The following ZNF512 variants were observed in gnomAD, a reference collection of about 807,000 sequenced individuals.
ZNF512 encodes zinc finger protein 512.
In ZNF512, 25 loss-of-function variants were observed where a neutral mutation model predicts 77.5. That is an observed-to-expected ratio of 0.32 (90% confidence interval 0.23 to 0.45). The LOEUF is 0.45. Among genes scored for constraint, ZNF512 ranks in the 20% least tolerant of loss-of-function variants. ZNF512 has a pLI of 1.00. For missense variants in ZNF512, 483 were observed against 692.6 expected (o/e 0.70, Z 3.40); for synonymous variants, 246 against 239.9 (o/e 1.03, Z -0.24).
In ZNF512 at chr2:27,621,371, C is replaced by A. The variant is rs1191812378; in HGVS notation, c.1614C>A (p.Ala538=). The A allele has an allele frequency of 3.7e-6, 6 of 1,613,980 alleles. No homozygotes were observed. Among genetic ancestry groups the A allele is most frequent in the Non-Finnish European group, 5.1e-6 (6 of 1,180,032 alleles). Residue 538 remains alanine (A), a synonymous_variant, in exon 14 of 14, where the codon GCC becomes GCA. Transcript: ENST00000355467. ...RRNNEELVVS[A]SCKEPEQEPV... ...ATAATGAGGAACTGGTAGTGTCAGCCTCCTGTAAGGAACCAGAGCAGGAGC... is the reference window on the plus strand; with the variant it reads ...ATAATGAGGAACTGGTAGTGTCAGCATCCTGTAAGGAACCAGAGCAGGAGC...
chr2:27,605,143 G>A (rs942064263), intron 9 of ZNF512, among the ~76,000 whole-genome samples: 1 of 152,086 alleles, frequency 6.6e-6, no homozygotes, highest in Admixed American at 6.6e-5. Flanking sequence ...TACGAATAAA[G>A]CTGCTATAAA....
intron 2 of ZNF512, among the ~76,000 whole-genome samples, chr2:27,597,441 A>C (rs1428803605): frequency 6.6e-6 from 1 of 152,226 alleles, no homozygotes; most frequent in African/African-American, 2.4e-5. Flanking sequence ...TTACAGAGTA[A>C]TGTTTTTTAG....
chr2:27,592,740 A>G (rs1356741850), intron 2 of ZNF512, among the ~76,000 whole-genome samples: 2 of 126,136 alleles, frequency 1.6e-5, no homozygotes, highest in East Asian at 4.9e-4. Flanking sequence ...GCTGGAGTGC[A>G]AATGGCGCGA....
At chr2:27,611,435 G>A (rs1017838673) in intron 10 of ZNF512, among the ~76,000 whole-genome samples, 1 of 152,046 alleles carries the variant, frequency 6.6e-6, no homozygotes, top group African/African-American at 2.4e-5. Flanking sequence ...GGTATTCTTG[G>A]CAAGAATACC....
intron 2 of ZNF512, among the ~76,000 whole-genome samples, chr2:27,595,749 T>C (rs1671838441): frequency 1.3e-5 from 2 of 152,244 alleles, no homozygotes; most frequent in Non-Finnish European, 2.9e-5. Context: ...AGTTCTAAGA[T>C]TTCATTTGGT....
At chr2:27,610,544 G>GTATATATATATATATA (rs1247718248) in intron 10 of ZNF512, among the ~76,000 whole-genome samples, 12 of 32,656 alleles carry the variant, frequency 3.7e-4, no homozygotes, top group African/African-American at 7.3e-4. Context: ...ATATGTGTGT[G>GTATATATATATATATA]TATATATATA....
In ZNF512 at chr2:27,622,868, C is replaced by G. The variant is rs1019759407; in HGVS notation, c.*1407C>G. On this transcript the variant is annotated 3_prime_UTR_variant, in exon 14 of 14. Coordinates refer to ENST00000355467, the MANE Select transcript of ZNF512 (RefSeq NM_032434.4). ...GGCTTTTGTGAAGACCACTTTCAAA[C>G]AAGGGAGCACTGAAACCTGAATTGG... The G allele has an allele frequency of 6.5e-6, 1 of 152,796 alleles. No individual in the cohort carries two copies. Among genetic ancestry groups the G allele is most frequent in the African/African-American group, 2.4e-5 (1 of 41,444 alleles). The allele number at this position is 152,796 out of a possible 1,614,324, so 9.5% of individuals were successfully genotyped here. A position where few individuals can be genotyped will look rare whatever the true frequency, so the allele number is the denominator to read the frequency against.
intron 9 of ZNF512, among the ~76,000 whole-genome samples, chr2:27,605,447 C>G (rs1370765593): frequency 6.6e-6 from 1 of 151,906 alleles, no homozygotes; most frequent in Non-Finnish European, 1.5e-5. Flanking sequence ...GAGCAAGACC[C>G]TGACTCAAAA....
intron 10 of ZNF512, among the ~76,000 whole-genome samples, chr2:27,610,566 A>ATTGTTTTT (rs1672601817): frequency 3.7e-5 from 1 of 27,028 alleles, no homozygotes; most frequent in Non-Finnish European, 6.9e-5. Flanking sequence ...ATATATATAT[A>ATTGTTTTT]TATTTTTTTT....
At chr2:27,615,677 C>A (rs1445722051) in intron 11 of ZNF512, among the ~76,000 whole-genome samples, 1 of 152,192 alleles carries the variant, frequency 6.6e-6, no homozygotes, top group Non-Finnish European at 1.5e-5. Flanking sequence ...TAAAATCTAG[C>A]TTCAGAATTT....
At position 27,583,715 on chromosome 2, in the gene ZNF512, A is replaced by C. The variant is rs773998843; in HGVS notation, c.88A>C (p.Asn30His). The change falls in exon 2 of 14, where the codon AAT becomes CAT. Residue 30 changes from asparagine to histidine, a missense_variant and splice_region_variant. This residue lies in a region of ZNF512 where 159 missense variants were observed against 167.5 expected (regional missense o/e 0.95). Coordinates refer to ENST00000355467, the MANE Select transcript of ZNF512 (RefSeq NM_032434.4). The part of the protein sequence containing the change: ...QRSTRIVGAK[N>H]SRTQCSIKDN... ...GAGCACGAGGATCGTGGGAGCTAAG[A>C]AGTAAGTGAGGTTTTCTAAGGTCCT... 6.2e-7 allele frequency: 1 copy of C among 1,613,916 alleles called. No individual in the cohort carries two copies. Among genetic ancestry groups the C allele is most frequent in the South Asian group, 1.1e-5 (1 of 91,072 alleles).
chr2:27,607,557 AG>A (rs886831117), intron 9 of ZNF512, among the ~76,000 whole-genome samples: 17 of 152,102 alleles, frequency 1.1e-4, no homozygotes, highest in Non-Finnish European at 2.2e-4. Context: ...TAGTAGAGAC[AG>A]GGTTTCACCA....
intron 2 of ZNF512, among the ~76,000 whole-genome samples, chr2:27,588,492 C>G (rs1233087952): frequency 6.6e-6 from 1 of 151,628 alleles, no homozygotes; most frequent in Non-Finnish European, 1.5e-5. Flanking sequence ...ACTTTTTTTT[C>G]TATTTATATA....
intron 6 of ZNF512, among the ~76,000 whole-genome samples, 197 bp downstream of exon 6, chr2:27,601,012 A>G (rs927003825): frequency 6.6e-6 from 1 of 152,236 alleles, no homozygotes; most frequent in Non-Finnish European, 1.5e-5. Context: ...AGCTTTTTAT[A>G]TGTAGACCTC....
chr2:27,584,338 C>T (rs578144789), intron 2 of ZNF512, among the ~76,000 whole-genome samples: 1 of 152,338 alleles, frequency 6.6e-6, no homozygotes, highest in African/African-American at 2.4e-5. Context: ...TTTTAAACTA[C>T]TTGTCTGTAA....
intron 13 of ZNF512, among the ~76,000 whole-genome samples, chr2:27,619,193 T>A (rs1298701027): frequency 4.6e-5 from 7 of 152,234 alleles, no homozygotes; most frequent in African/African-American, 1.7e-4. Context: ...GCAGATCACC[T>A]GAGGTCAGGA....
At position 27,583,069 on chromosome 2, in the gene ZNF512, G is replaced by A; in HGVS notation, c.-44G>A. On this transcript the variant is annotated 5_prime_UTR_variant, in exon 1 of 14. Transcript: ENST00000355467. The stretch of plus-strand genomic sequence containing the variant: ...AGGAGAGCGGAAGTGGCGTTGGTCT[G>A]GCCGGAGCCCTTGGGTGAAATTGTT... The A allele has an allele frequency of 1.2e-6, 2 of 1,613,692 alleles. No homozygotes were observed. Among genetic ancestry groups the A allele is most frequent in the South Asian group, 2.2e-5 (2 of 91,070 alleles).
intron 12 of ZNF512, 22 bp from the exon 13 acceptor site, chr2:27,617,451 T>C: frequency 1.0e-6 from 1 of 982,704 alleles, no homozygotes; most frequent in Non-Finnish European, 1.7e-6. Context: ...GTAATTCTTT[T>C]TTGTTTCTCT....
intron 13 of ZNF512, among the ~76,000 whole-genome samples, chr2:27,619,335 G>A (rs1463311054): frequency 6.6e-6 from 1 of 151,974 alleles, no homozygotes; most frequent in Non-Finnish European, 1.5e-5. Context: ...CCCAGGAGAC[G>A]GAGGTTGCAG....
Sources: gnomAD v4.1 joint callset for allele counts (sites outside exome capture counted in the v4.1 genomes callset) on GRCh38, gnomAD v4.1.1 for gene constraint, gnomAD v4.1.1 regional missense constraint, MANE v1.5 for transcripts, NCBI Gene and HGNC (gene_info 2026-07-23, HGNC 2026-07-21) for gene names.